The following PCNX2 variants were observed in gnomAD, a reference collection of about 807,000 sequenced individuals.
PCNX2 encodes pecanex-like protein 2.
Under a neutral mutation model 223.8 loss-of-function variants are expected in PCNX2, and 168 were observed. The observed-to-expected ratio is 0.75, with a 90% CI of 0.66 to 0.85. The LOEUF (loss-of-function observed/expected upper bound fraction) is 0.85. Among genes scored for constraint, PCNX2 ranks in the 40% least tolerant of loss-of-function variants. The probability of loss-of-function intolerance (pLI) is 0.00; values close to 1 mark genes in which losing one functional copy is unlikely to be tolerated. For missense variants in PCNX2, 2,507 were observed against 2,675.5 expected, an observed-to-expected ratio of 0.94 and a Z score of 1.39; for synonymous variants, 1,006 against 1,052.6, an observed-to-expected ratio of 0.96 and a Z score of 0.86.
intron 21 of PCNX2, among the ~76,000 whole-genome samples, chr1:233,121,398 G>A (rs1012266003): frequency 3.3e-5 from 5 of 151,996 alleles, no homozygotes; most frequent in Admixed American, 3.3e-4. Flanking sequence ...CAATACTGAA[G>A]AAGAAAACAA....
In PCNX2 at chr1:233,262,247, T is replaced by A. The variant is rs948274094; in HGVS notation, c.360-82A>T. 4.6e-6 allele frequency: 7 copies of A among 1,530,856 alleles called. No homozygotes were observed. In the African/African-American group the frequency reaches 8.4e-5, roughly 18 times the overall value. 94.8% of individuals were successfully genotyped at this position (1,530,856 alleles called of 1,614,324 possible). On this transcript the variant is annotated intron_variant, in intron 2 of 33. Transcript: ENST00000258229. ...ACTCTTTTAGTACTAGTCTAAAAACTTTTTTTCCTAGAGTCCATTTTGTTA... is the reference window on the plus strand; with the variant it reads ...ACTCTTTTAGTACTAGTCTAAAAACATTTTTTCCTAGAGTCCATTTTGTTA...
intron 1 of PCNX2, among the ~76,000 whole-genome samples, chr1:233,294,161 G>T (rs548856257): frequency 6.6e-6 from 1 of 152,310 alleles, no homozygotes; most frequent in South Asian, 2.1e-4. Context: ...ATAAGTAGCA[G>T]AACAGAATTG....
chr1:233,060,805 A>G (rs566008598), intron 23 of PCNX2, among the ~76,000 whole-genome samples: 23 of 152,180 alleles, frequency 1.5e-4, no homozygotes, highest in Non-Finnish European at 1.5e-4. Flanking sequence ...GTCACTGTGC[A>G]TTGCTGGCTA....
At chr1:233,141,129 A>G (rs1007686568) in intron 19 of PCNX2, among the ~76,000 whole-genome samples, 22 of 152,310 alleles carry the variant, frequency 1.4e-4, no homozygotes, top group Middle Eastern at 3.4e-3. Context: ...AACTCACAAA[A>G]GAGAAAAAGT....
At chr1:233,079,108 G>T (rs974422222) in intron 23 of PCNX2, among the ~76,000 whole-genome samples, 1 of 152,138 alleles carries the variant, frequency 6.6e-6, no homozygotes, top group Admixed American at 6.5e-5. Context: ...AAGCTCTTTT[G>T]TCTGCCACTC....
chr1:233,202,392 T>C (rs529815868), intron 13 of PCNX2: 3 of 250,766 alleles, frequency 1.2e-5, no homozygotes, highest in African/African-American at 7.0e-5. Flanking sequence ...TAAGCAAAAT[T>C]CATAAATAAA....
At chr1:233,282,524 G>A (rs11585086) in intron 1 of PCNX2, among the ~76,000 whole-genome samples, 13,033 of 152,028 alleles carry the variant, frequency 0.086, 704 homozygotes, top group South Asian at 0.17. Flanking sequence ...TCAGTCAGTG[G>A]CACCTCATAC....
At chr1:233,289,661 T>C (rs911576752) in intron 1 of PCNX2, among the ~76,000 whole-genome samples, 6 of 152,098 alleles carry the variant, frequency 3.9e-5, no homozygotes, top group African/African-American at 1.4e-4. Flanking sequence ...CCCCCAGAAG[T>C]GGAAGGACCA....
the PCNX2 span, among the ~76,000 whole-genome samples, chr1:233,314,466 C>G: frequency 2.0e-5 from 3 of 152,050 alleles, no homozygotes; most frequent in African/African-American, 7.2e-5. Context: ...AACACACATA[C>G]AAGTTTTTCT....
At chr1:233,292,389 A>G (rs1661828484) in intron 1 of PCNX2, among the ~76,000 whole-genome samples, 1 of 151,666 alleles carries the variant, frequency 6.6e-6, no homozygotes, top group Non-Finnish European at 1.5e-5. Context: ...TTGTCTTTTT[A>G]GTAAAGACAG....
intron 17 of PCNX2, among the ~76,000 whole-genome samples, chr1:233,168,605 C>G (rs1214491790): frequency 6.6e-6 from 1 of 151,990 alleles, no homozygotes; most frequent in African/African-American, 2.4e-5. Context: ...TGCAAACATC[C>G]CTTGACTGCT....
At chr1:233,062,486 T>G (rs1034322541) in intron 23 of PCNX2, among the ~76,000 whole-genome samples, 1 of 152,222 alleles carries the variant, frequency 6.6e-6, no homozygotes, top group Admixed American at 6.5e-5. Context: ...TGCATTGATA[T>G]TCATAGCTTA....
chr1:233,135,772 C>G (rs1382844057), intron 20 of PCNX2, among the ~76,000 whole-genome samples: 1 of 152,190 alleles, frequency 6.6e-6, no homozygotes, highest in Non-Finnish European at 1.5e-5. Context: ...TCCAATGTTT[C>G]TCAGCATATT....
At chr1:233,268,797 C>A (rs1660480822) in intron 1 of PCNX2, among the ~76,000 whole-genome samples, 1 of 152,218 alleles carries the variant, frequency 6.6e-6, no homozygotes, top group Admixed American at 6.5e-5. Flanking sequence ...AGCCTCTCCA[C>A]CCCCATGACT....
At chr1:233,290,638 G>C in intron 1 of PCNX2, 1 of 644,348 alleles carries the variant, frequency 1.6e-6, no homozygotes, top group Non-Finnish European at 1.9e-6. Context: ...ATAACAATTA[G>C]AATGTGTTGG....
chr1:233,286,014 C>G (rs1430898056), intron 1 of PCNX2, among the ~76,000 whole-genome samples: 1 of 151,964 alleles, frequency 6.6e-6, no homozygotes, highest in African/African-American at 2.4e-5. Flanking sequence ...GACCAAGGAA[C>G]CAAGGTAGGA....
intron 15 of PCNX2, chr1:233,181,172 C>T (rs1229029234): frequency 6.6e-6 from 1 of 152,062 alleles, no homozygotes; most frequent in Non-Finnish European, 1.5e-5. Flanking sequence ...CCCTCTGCCC[C>T]GCCTATAAAA....
intron 28 of PCNX2, among the ~76,000 whole-genome samples, chr1:233,012,409 G>A (rs1363666175): frequency 6.6e-6 from 1 of 151,842 alleles, no homozygotes; most frequent in South Asian, 2.1e-4. Flanking sequence ...GCTTAGGGTG[G>A]GATGTAAAAG....
At chr1:233,125,402 G>T (rs1222911331) in intron 21 of PCNX2, among the ~76,000 whole-genome samples, 5 of 152,162 alleles carry the variant, frequency 3.3e-5, no homozygotes, top group Non-Finnish European at 5.9e-5. Flanking sequence ...CCTTTCAAGA[G>T]CATCCTCTTG....
Sources: gnomAD v4.1 joint callset for allele counts (sites outside exome capture counted in the v4.1 genomes callset) on GRCh38, gnomAD v4.1.1 for gene constraint, MANE v1.5 for transcripts, NCBI Gene and HGNC (gene_info 2026-07-23, HGNC 2026-07-21) for gene names.